The following MYO10 variants were observed in gnomAD, a reference collection of about 807,000 sequenced individuals.
The protein encoded by MYO10 is unconventional myosin-X.
A neutral mutation model predicts 257.3 loss-of-function variants in MYO10; 133 were observed. That is an observed-to-expected ratio of 0.52 (90% CI 0.45 to 0.60). The LOEUF (loss-of-function observed/expected upper bound fraction) is 0.60. Among genes scored for constraint, MYO10 ranks in the 20% least tolerant of loss-of-function variants. MYO10 has a pLI of 0.00. For missense variants in MYO10, 2,399 were observed against 2,635.7 expected, an observed-to-expected ratio of 0.91 and a Z score of 1.97; for synonymous variants, 1,104 against 1,028.6, an observed-to-expected ratio of 1.07 and a Z score of -1.40.
chr5:16,740,160 A>C (rs576878411), intron 19 of MYO10, among the ~76,000 whole-genome samples: 9 of 152,092 alleles, frequency 5.9e-5, no homozygotes, highest in Non-Finnish European at 1.3e-4. Context: ...TCCAGTCTCA[A>C]ACCTGGCCCT....
rs1738589565 is a variant in MYO10 at position 16,711,204 on chromosome 5, C to T, written c.1971G>A (p.Leu657=). ...QFDQAVVLNQ[L]RYSGMLETVR... is the part of the protein sequence containing the mutation. ...CAGTCTCCAGCATCCCTGAGTACCGCAGCTGGTTCAGCACAACCGCCTGGT... is the reference window on the plus strand; with the variant it reads ...CAGTCTCCAGCATCCCTGAGTACCGTAGCTGGTTCAGCACAACCGCCTGGT... Residue 657 remains leucine (L), a synonymous_variant, in exon 20 of 41, where the codon CTG becomes CTA. Transcript: ENST00000513610. The T allele has an allele frequency of 6.2e-7, 1 of 1,613,148 alleles. No homozygotes were observed. The highest frequency in any genetic ancestry group is 8.5e-7 in the Non-Finnish European group (1 of 1,179,600).
At position 16,699,508 on chromosome 5, in the gene MYO10, A is replaced by G; in HGVS notation, c.3498T>C (p.Arg1166=). The change falls in exon 26 of 41, where the codon CGT becomes CGC. Residue 1166 remains arginine (R), a synonymous_variant. Transcript: ENST00000513610. ...FDTDDELSYR[R]DSVYSCVTLP... ...GAGTGACACAGCTGTACACAGAGTCACGCCGGTATGAAAGCTCATCATCTG... is the reference window on the plus strand; with the variant it reads ...GAGTGACACAGCTGTACACAGAGTCGCGCCGGTATGAAAGCTCATCATCTG... 6.2e-7 allele frequency: 1 copy of G among 1,613,888 alleles called. No individual in the cohort carries two copies. Among genetic ancestry groups the G allele is most frequent in the Non-Finnish European group, 8.5e-7 (1 of 1,179,856 alleles).
rs547942605 is a variant in MYO10, at chr5:16,769,472, T to C, written c.931-269A>G. Among the ~76,000 whole-genome samples the C allele has an allele frequency of 3.3e-5, 5 of 152,118 alleles. No individual in the cohort carries two copies. The South Asian group carries it at 1.0e-3, about 32-fold the overall frequency. ...GCCTCAGCCTCCCGAGTAGCTGGGA[T>C]TACAGGTGTGTGCCACCATGCCTAG... On this transcript the variant is annotated intron_variant, in intron 9 of 40. Transcript: ENST00000513610.
At chr5:16,852,384 T>C (rs1331312096) in intron 2 of MYO10, among the ~76,000 whole-genome samples, 1 of 152,104 alleles carries the variant, frequency 6.6e-6, no homozygotes, top group Non-Finnish European at 1.5e-5. Flanking sequence ...GTAAATTAAC[T>C]CAGTCATCAG....
chr5:16,802,636 G>A (rs1318414972), intron 3 of MYO10, among the ~76,000 whole-genome samples: 9 of 137,548 alleles, frequency 6.5e-5, no homozygotes, highest in Non-Finnish European at 1.1e-4. Flanking sequence ...CAGCCTGGGG[G>A]ACAGAGCGAG....
chr5:16,823,462 GT>G (rs1561003847), intron 2 of MYO10, among the ~76,000 whole-genome samples: 2 of 4,754 alleles, frequency 4.2e-4, no homozygotes, highest in Non-Finnish European at 7.9e-4. Flanking sequence ...GGGGGGGGGA[GT>G]GGGGATTTTT....
intron 19 of MYO10, among the ~76,000 whole-genome samples, chr5:16,726,189 A>G (rs747529870): frequency 2.6e-5 from 4 of 152,168 alleles, no homozygotes; most frequent in Non-Finnish European, 4.4e-5. Flanking sequence ...AAGTGATACC[A>G]TATTAGTGGC....
intron 19 of MYO10, among the ~76,000 whole-genome samples, chr5:16,745,602 T>C (rs7712637): frequency 0.26 from 39,126 of 151,890 alleles, 8,043 homozygotes; most frequent in African/African-American, 0.56. Flanking sequence ...GGCAGGAGAT[T>C]GCTTGAGCCC....
chr5:16,900,273 T>C (rs1348452201), intron 1 of MYO10, among the ~76,000 whole-genome samples: 2 of 152,186 alleles, frequency 1.3e-5, no homozygotes, highest in Non-Finnish European at 2.9e-5. Flanking sequence ...ATATGTGCTT[T>C]CACCTAAAAA....
At chr5:16,675,377 A>G (rs1283145751) in intron 34 of MYO10, among the ~76,000 whole-genome samples, 1 of 152,192 alleles carries the variant, frequency 6.6e-6, no homozygotes, top group Non-Finnish European at 1.5e-5. Context: ...TAAAATGCTT[A>G]CTTAAAAGGT....
chr5:16,697,011 G>C (rs1737776375), intron 26 of MYO10, among the ~76,000 whole-genome samples: 1 of 150,198 alleles, frequency 6.7e-6, no homozygotes, highest in Non-Finnish European at 1.5e-5. Context: ...AAGATGCTAT[G>C]ATTAAATACT....
intron 2 of MYO10, among the ~76,000 whole-genome samples, chr5:16,874,330 T>C (rs1263707223): frequency 1.2e-5 from 1 of 82,032 alleles, no homozygotes; most frequent in African/African-American, 5.0e-5. Context: ...CAAGACTCCA[T>C]CTAAAAAAAA....
At chr5:16,687,526 A>ATG (rs1332446851) in intron 28 of MYO10, among the ~76,000 whole-genome samples, 1 of 151,352 alleles carries the variant, frequency 6.6e-6, no homozygotes, top group East Asian at 2.0e-4. Flanking sequence ...AAATATATAT[A>ATG]TACTCCTACT....
chr5:16,877,915 A>G (rs988014938), intron 1 of MYO10, among the ~76,000 whole-genome samples: 6 of 152,224 alleles, frequency 3.9e-5, no homozygotes, highest in Non-Finnish European at 7.3e-5. Flanking sequence ...CATCAGACAT[A>G]GAAGGCAAAG....
At chr5:16,827,854 G>A (rs1345395379) in intron 2 of MYO10, among the ~76,000 whole-genome samples, 2 of 152,122 alleles carry the variant, frequency 1.3e-5, no homozygotes, top group Non-Finnish European at 2.9e-5. Context: ...CCTCAGATGG[G>A]GAGGTAATAC....
At chr5:16,914,172 G>A (rs1417546500) in intron 1 of MYO10, among the ~76,000 whole-genome samples, 3 of 152,200 alleles carry the variant, frequency 2.0e-5, no homozygotes, top group African/African-American at 4.8e-5. Flanking sequence ...TCTTCCTACA[G>A]TACCTACGGG....
intron 2 of MYO10, among the ~76,000 whole-genome samples, chr5:16,839,749 T>A (rs1051950231): frequency 2.0e-5 from 3 of 151,922 alleles, no homozygotes; most frequent in South Asian, 2.1e-4. Flanking sequence ...TCAAAAAAAA[T>A]AAATTAATTA....
At chr5:16,769,021 A>C in intron 10 of MYO10, 53 bp downstream of exon 10, 2 of 1,541,572 alleles carry the variant, frequency 1.3e-6, no homozygotes, top group Non-Finnish European at 1.7e-6. Context: ...TTTAGGTTTA[A>C]GTTTCCCACG....
chr5:16,718,638 A>G (rs1361307292), intron 19 of MYO10, among the ~76,000 whole-genome samples: 5 of 152,056 alleles, frequency 3.3e-5, no homozygotes, highest in African/African-American at 1.2e-4. Context: ...CACACCAATC[A>G]GCACCCTGTG....
Sources: allele counts gnomAD v4.1 joint callset (sites outside exome capture counted in the v4.1 genomes callset), GRCh38; gene constraint gnomAD v4.1.1; transcripts MANE v1.5; gene names NCBI Gene and HGNC (gene_info 2026-07-23, HGNC 2026-07-21).